LEPROT: variants seen among roughly 807,000 people sequenced by gnomAD.
LEPROT encodes the protein leptin receptor overlapping transcript.
In LEPROT, 3 loss-of-function variants were observed where a neutral mutation model predicts 15.4. That is an observed-to-expected ratio of 0.19 (90% CI 0.09 to 0.50). The LOEUF (loss-of-function observed/expected upper bound fraction) is 0.50. Ranked by LOEUF, LEPROT falls within the 20% of genes least tolerant of loss-of-function variation. The pLI is 0.97. For missense variants in LEPROT, 137 were observed against 162.2 expected, an observed-to-expected ratio of 0.84 and a Z score of 0.84; for synonymous variants, 59 against 57.5, an observed-to-expected ratio of 1.03 and a Z score of -0.12.
Position 65,422,914 on chromosome 1 carries a change from T to G in LEPROT, c.16+2174T>G, listed in dbSNP as rs1557578734. Among the ~76,000 whole-genome samples, 4 of 152,178 alleles carry G rather than the reference T, an allele frequency of 2.6e-5. No homozygotes were observed. In the South Asian group the frequency reaches 8.3e-4, roughly 32 times the overall value. On this transcript the variant is annotated intron_variant, in intron 1 of 3. Coordinates refer to ENST00000371065, the MANE Select transcript of LEPROT (RefSeq NM_017526.5). ...AGTTGAAAGATCACTGTCTGCTGTGTAGAGGATGGATTGGAAGAGTCACAG... is the reference window on the plus strand; with the variant it reads ...AGTTGAAAGATCACTGTCTGCTGTGGAGAGGATGGATTGGAAGAGTCACAG...
chr1:65,434,778 C>T lies in LEPROT; in HGVS notation c.*2859C>T. ...TTCACCTCTCCCAACTGAGAACCTT[C>T]CCACTGGGCTCCATCCTCCCTCCTG... On this transcript the variant is annotated 3_prime_UTR_variant, in exon 4 of 4. Transcript: ENST00000371065. The T allele has an allele frequency of 1.0e-6, 1 of 985,386 alleles. No individual in the cohort carries two copies. 61.0% of individuals were successfully genotyped at this position (985,386 alleles called of 1,614,324 possible).
intron 2 of LEPROT, among the ~76,000 whole-genome samples, chr1:65,429,507 G>A (rs992220681): frequency 6.6e-6 from 1 of 152,166 alleles, no homozygotes; most frequent in African/African-American, 2.4e-5. Context: ...GATCTTTACC[G>A]AACTAGCTTT....
chr1:65,431,717 T>A, intron 3 of LEPROT, 86 bp from the exon 4 acceptor site: 1 of 1,363,656 alleles, frequency 7.3e-7, no homozygotes, highest in African/African-American at 1.5e-5. Context: ...TTTCATTGGA[T>A]GTTTCTAATG....
chr1:65,421,989 T>C (rs1646260270), intron 1 of LEPROT, among the ~76,000 whole-genome samples: 1 of 152,192 alleles, frequency 6.6e-6, no homozygotes, highest in African/African-American at 2.4e-5. Context: ...TGAGAAGTTA[T>C]TGGTGGGTGA....
In LEPROT at chr1:65,432,002, A is replaced by C; in HGVS notation, c.*83A>C. 1.3e-6 allele frequency: 2 copies of C among 1,486,524 alleles called. No individual in the cohort carries two copies. Among genetic ancestry groups the C allele is most frequent in the South Asian group, 2.9e-5 (2 of 69,984 alleles). 92.1% of individuals were successfully genotyped at this position (1,486,524 alleles called of 1,614,324 possible). ...TGTGCACATGCGGCATTTTACTATG[A>C]AATTTAATATGCTGGGTTTTTTAAT... On this transcript the variant is annotated 3_prime_UTR_variant, in exon 4 of 4. Transcript: ENST00000371065.
chr1:65,430,326 C>G, intron 3 of LEPROT: 1 of 265,204 alleles, frequency 3.8e-6, no homozygotes, highest in Non-Finnish European at 7.0e-6. Context: ...ATTCCTGCCT[C>G]TTAAATCTTA....
At chr1:65,424,655 T>A (rs1244083280) in intron 1 of LEPROT, among the ~76,000 whole-genome samples, 1 of 152,236 alleles carries the variant, frequency 6.6e-6, no homozygotes, top group Non-Finnish European at 1.5e-5. Context: ...TTTCCACAGT[T>A]CTGAAGACTG....
intron 2 of LEPROT, chr1:65,428,133 G>A (rs1461699294): frequency 6.6e-6 from 1 of 151,934 alleles, no homozygotes; most frequent in East Asian, 1.9e-4. Flanking sequence ...TTTACTCTTT[G>A]GCCCTTTATA....
intron 2 of LEPROT, among the ~76,000 whole-genome samples, chr1:65,427,553 T>A (rs1468852480): frequency 6.6e-6 from 1 of 152,132 alleles, no homozygotes; most frequent in Non-Finnish European, 1.5e-5. Flanking sequence ...AGTGAGACTT[T>A]GTCTCTTAAA....
rs1304063482 is a variant in LEPROT, at chr1:65,432,516, TC to T, written c.*599del. ...ACATCACACCCAACTTCCTTATCTT[TC>T]CAGTGGCTAAACCACTTAACCTCTC... On this transcript the variant is annotated 3_prime_UTR_variant, in exon 4 of 4. Transcript: ENST00000371065. The T allele has an allele frequency of 1.4e-6, 1 of 711,286 alleles. No individual in the cohort carries two copies. The highest frequency in any genetic ancestry group is 7.0e-4 in the Middle Eastern group (1 of 1,420). 44.1% of individuals were successfully genotyped at this position (711,286 alleles called of 1,614,324 possible). A position where few individuals can be genotyped will look rare whatever the true frequency, so the allele number is the denominator to read the frequency against.
chr1:65,431,997 C>T lies in LEPROT; in HGVS notation c.*78C>T. 2 of 1,488,356 alleles carry T rather than the reference C, an allele frequency of 1.3e-6. No individual in the cohort carries two copies. Among genetic ancestry groups the T allele is most frequent in the Non-Finnish European group, 1.8e-6 (2 of 1,120,926 alleles). 92.2% of individuals were successfully genotyped at this position (1,488,356 alleles called of 1,614,324 possible). ...ATACATGTGCACATGCGGCATTTTA[C>T]TATGAAATTTAATATGCTGGGTTTT... On this transcript the variant is annotated 3_prime_UTR_variant, in exon 4 of 4. Transcript: ENST00000371065.
At chr1:65,426,204 C>T (rs1272303232) in intron 2 of LEPROT, among the ~76,000 whole-genome samples, 2 of 152,120 alleles carry the variant, frequency 1.3e-5, no homozygotes, top group Non-Finnish European at 2.9e-5. Flanking sequence ...GCACTTTAGG[C>T]ACCAGGAAAG....
chr1:65,433,369 C>A lies in LEPROT; in HGVS notation c.*1450C>A. 1.0e-6 allele frequency: 1 copy of A among 985,376 alleles called. No individual in the cohort carries two copies. The highest frequency in any genetic ancestry group is 1.2e-6 in the Non-Finnish European group (1 of 829,932). The allele number at this position is 985,376 out of a possible 1,614,324, so 61.0% of individuals were successfully genotyped here. On this transcript the variant is annotated 3_prime_UTR_variant, in exon 4 of 4. Transcript: ENST00000371065. ...CCCTTAAATGAATCATTGGGTATAC[C>A]TGTCATGTTGGATCCTGTAATCACA...
intron 1 of LEPROT, chr1:65,421,516 A>G (rs754375852): frequency 4.9e-5 from 75 of 1,530,626 alleles, no homozygotes; most frequent in Non-Finnish European, 5.0e-5. Flanking sequence ...TTGTTTTTAT[A>G]TTGGCTTTTA....
Position 65,432,823 on chromosome 1 carries a change from A to T in LEPROT, c.*904A>T, listed in dbSNP as rs532661415. 8.3e-4 allele frequency: 509 copies of T among 615,730 alleles called. 1 individual carries two copies. The African/African-American group carries it at 9.4e-3, about 11-fold the overall frequency. 38.1% of individuals were successfully genotyped at this position (615,730 alleles called of 1,614,324 possible). ...AGAGTAAATTTCTAATGTTCTCATA[A>T]AAAAGTTAAATATTTGAGATCATAT... On this transcript the variant is annotated 3_prime_UTR_variant, in exon 4 of 4. Coordinates refer to ENST00000371065, the MANE Select transcript of LEPROT (RefSeq NM_017526.5).
intron 1 of LEPROT, chr1:65,421,247 G>C: frequency 4.3e-6 from 6 of 1,388,508 alleles, no homozygotes; most frequent in Non-Finnish European, 5.7e-6. Context: ...CCAGAAAGAC[G>C]GTGTTTCTCG....
chr1:65,422,594 G>A (rs1053670274), intron 1 of LEPROT, among the ~76,000 whole-genome samples: 14 of 152,280 alleles, frequency 9.2e-5, no homozygotes, highest in African/African-American at 3.4e-4. Context: ...AAGAGGCGAT[G>A]CTTGAACTGA....
At chr1:65,424,608 T>C (rs1646321508) in intron 1 of LEPROT, among the ~76,000 whole-genome samples, 1 of 152,212 alleles carries the variant, frequency 6.6e-6, no homozygotes, top group African/African-American at 2.4e-5. Context: ...ATAAGAAATA[T>C]ATTTTAGACT....
At chr1:65,431,334 C>T (rs1435035286) in intron 3 of LEPROT, among the ~76,000 whole-genome samples, 1 of 152,202 alleles carries the variant, frequency 6.6e-6, no homozygotes, top group Non-Finnish European at 1.5e-5. Context: ...GTAAAACCAT[C>T]TACAAACCAT....
Sources: gnomAD v4.1 joint callset for allele counts (sites outside exome capture counted in the v4.1 genomes callset) on GRCh38, gnomAD v4.1.1 for gene constraint, MANE v1.5 for transcripts, NCBI Gene and HGNC (gene_info 2026-07-23, HGNC 2026-07-21) for gene names.